SPATA13: variants seen among roughly 807,000 people sequenced by gnomAD.
The protein encoded by SPATA13 is spermatogenesis associated 13.
Under a neutral mutation model 104.0 loss-of-function variants are expected in SPATA13, and 50 were observed. The ratio of observed to expected loss-of-function variants is 0.48; its 90% CI spans 0.38 to 0.61. The LOEUF is 0.61. Among genes scored for constraint, SPATA13 ranks in the 20% least tolerant of loss-of-function variants. The pLI, the probability that SPATA13 is intolerant of heterozygous loss-of-function variation, is 0.00. For synonymous variants in SPATA13, 606 were observed against 667.5 expected (o/e 0.91, Z 1.42); for missense variants, 1,524 against 1,690.6 (o/e 0.90, Z 1.73).
chr13:24,201,286 A>G (rs1870389466), intron 1 of SPATA13, among the ~76,000 whole-genome samples: 1 of 151,920 alleles, frequency 6.6e-6, no homozygotes, highest in Non-Finnish European at 1.5e-5. Flanking sequence ...ATAATAGTCT[A>G]TTTTTTAGAG....
At chr13:24,251,244 G>A (rs74040450) in intron 3 of SPATA13, among the ~76,000 whole-genome samples, 203 of 152,310 alleles carry the variant, frequency 1.3e-3, no homozygotes, top group African/African-American at 4.7e-3. Context: ...TCTATGCCAG[G>A]CTCTGTGTCG....
intron 1 of SPATA13, among the ~76,000 whole-genome samples, chr13:24,169,848 T>C (rs1215059303): frequency 6.6e-6 from 1 of 152,194 alleles, no homozygotes; most frequent in Non-Finnish European, 1.5e-5. Flanking sequence ...CTGCTCTGCC[T>C]GCAGACTCCA....
intron 1 of SPATA13, among the ~76,000 whole-genome samples, chr13:24,186,347 T>C (rs1438613952): frequency 6.6e-6 from 1 of 152,176 alleles, no homozygotes; most frequent in Non-Finnish European, 1.5e-5. Context: ...TAGGGATTAA[T>C]AGTATGACTA....
At chr13:24,278,844 C>A in intron 4 of SPATA13, 2 of 1,574,580 alleles carry the variant, frequency 1.3e-6, no homozygotes, top group Non-Finnish European at 1.7e-6. Flanking sequence ...GACCCCAAAG[C>A]CTTGCATGAA....
chr13:24,073,026 G>C (rs1273244902), intron 3 of SPATA13, among the ~76,000 whole-genome samples: 1 of 151,996 alleles, frequency 6.6e-6, no homozygotes, highest in African/African-American at 2.4e-5. Flanking sequence ...TTGTCTCTAT[G>C]AATTTATAGA....
intron 9 of SPATA13, among the ~76,000 whole-genome samples, chr13:24,294,146 C>T (rs796404291): frequency 3.3e-5 from 5 of 152,314 alleles, no homozygotes; most frequent in African/African-American, 1.2e-4. Flanking sequence ...GAGCGGGGCC[C>T]TCCTGGGGAG....
intron 12 of SPATA13, among the ~76,000 whole-genome samples, chr13:24,300,921 A>T (rs572637688): frequency 6.6e-6 from 1 of 152,188 alleles, no homozygotes; most frequent in Non-Finnish European, 1.5e-5. Flanking sequence ...TAAGAAAAAG[A>T]TGTAAAGGTT....
intron 2 of SPATA13, among the ~76,000 whole-genome samples, chr13:24,009,483 G>A (rs1210549733): frequency 6.6e-6 from 1 of 152,190 alleles, no homozygotes; most frequent in Non-Finnish European, 1.5e-5. Context: ...ATTTTAGGGA[G>A]ACATGAGACT....
At chr13:24,253,680 G>C (rs958397032) in intron 4 of SPATA13, among the ~76,000 whole-genome samples, 1 of 152,184 alleles carries the variant, frequency 6.6e-6, no homozygotes, top group Admixed American at 6.5e-5. Flanking sequence ...AGGAGTAGGA[G>C]CAGGTGGGGG....
intron 1 of SPATA13, among the ~76,000 whole-genome samples, chr13:24,176,671 T>C (rs1468408851): frequency 6.6e-6 from 1 of 152,222 alleles, no homozygotes; most frequent in Non-Finnish European, 1.5e-5. Context: ...GAATTTACTG[T>C]GTTTTCTGTG....
At position 24,038,598 on chromosome 13, in the gene SPATA13, G is replaced by A. The variant is rs901415867; in HGVS notation, c.-112+20897G>A. 2.0e-5 allele frequency among the ~76,000 whole-genome samples: 3 copies of A among 152,242 alleles called. 1 individual carries two copies. The highest frequency in any genetic ancestry group is 2.0e-4 in the Admixed American group (3 of 15,288). ...AAAGTGCCGAGAGTAAGGATTTTAGGCTCTGCAGGTCTTATGTTCTCTGTG... is the reference window on the plus strand; with the variant it reads ...AAAGTGCCGAGAGTAAGGATTTTAGACTCTGCAGGTCTTATGTTCTCTGTG... On this transcript the variant is annotated intron_variant, in intron 3 of 14. Transcript: ENST00000424834.
intron 3 of SPATA13, among the ~76,000 whole-genome samples, chr13:24,149,557 A>G (rs761957628): frequency 8.5e-5 from 13 of 152,152 alleles, no homozygotes; most frequent in Non-Finnish European, 1.9e-4. Context: ...TTCTGCTGCC[A>G]CTTTTTCAGG....
intron 3 of SPATA13, among the ~76,000 whole-genome samples, chr13:24,143,834 T>C (rs1193137480): frequency 3.3e-5 from 5 of 152,212 alleles, no homozygotes; most frequent in Admixed American, 3.3e-4. Flanking sequence ...AGGACTTACT[T>C]GGAGGAACAT....
intron 2 of SPATA13, among the ~76,000 whole-genome samples, chr13:23,991,357 T>A (rs1238060493): frequency 6.6e-6 from 1 of 152,196 alleles, no homozygotes; most frequent in Non-Finnish European, 1.5e-5. Flanking sequence ...GGACTTAGGG[T>A]CTAATCAGTA....
intron 2 of SPATA13, among the ~76,000 whole-genome samples, chr13:24,248,642 C>T (rs1873298368): frequency 1.3e-5 from 2 of 152,208 alleles, no homozygotes; most frequent in Admixed American, 1.3e-4. Context: ...CTCGCCCCAT[C>T]AGACTGCTGC....
intron 1 of SPATA13, among the ~76,000 whole-genome samples, chr13:24,209,103 C>T (rs1456152934): frequency 1.3e-5 from 2 of 152,236 alleles, no homozygotes; most frequent in Middle Eastern, 3.4e-3. Flanking sequence ...GTCATTCTAA[C>T]GGAGGTGCAG....
intron 1 of SPATA13, among the ~76,000 whole-genome samples, chr13:24,202,272 G>A (rs1180781894): frequency 6.6e-6 from 1 of 151,922 alleles, no homozygotes; most frequent in Non-Finnish European, 1.5e-5. Context: ...AAGAATCCTG[G>A]GCTATGGAAG....
chr13:24,184,460 T>C (rs1414444132), intron 1 of SPATA13, among the ~76,000 whole-genome samples: 1 of 152,202 alleles, frequency 6.6e-6, no homozygotes, highest in East Asian at 1.9e-4. Flanking sequence ...GGATGGAAAG[T>C]GAAGAGAAAA....
chr13:24,217,737 C>T (rs948995584), intron 1 of SPATA13, among the ~76,000 whole-genome samples: 12 of 152,106 alleles, frequency 7.9e-5, no homozygotes, highest in Non-Finnish European at 1.5e-4. Flanking sequence ...AACAAGAGGG[C>T]GTGTTGCTTG....
Sources: allele counts gnomAD v4.1 joint callset (sites outside exome capture counted in the v4.1 genomes callset), GRCh38; gene constraint gnomAD v4.1.1; transcripts MANE v1.5; gene names NCBI Gene and HGNC (gene_info 2026-07-23, HGNC 2026-07-21).